Variants in IFT25 observed in about 807,000 individuals in gnomAD.
The protein encoded by IFT25 is intraflagellar transport protein 25 homolog.
chr1:53,940,166 G>T, the IFT25 span: 4 of 767,604 alleles, frequency 5.2e-6, no homozygotes, highest in Non-Finnish European at 8.8e-6. Flanking sequence ...AAAACGAAGT[G>T]AGAAGGAAAG....
chr1:53,945,855 C>G, the IFT25 span: 1 of 148,598 alleles, frequency 6.7e-6, no homozygotes, highest in Non-Finnish European at 1.5e-5. Context: ...CCCGCCCCAC[C>G]CCGCCACCGC....
At chr1:53,926,289 G>A in the IFT25 span, among the ~76,000 whole-genome samples, 1 of 151,984 alleles carries the variant, frequency 6.6e-6, no homozygotes, top group East Asian at 1.9e-4. Context: ...GGGACTACAG[G>A]TGCATGCCAC....
the IFT25 span, among the ~76,000 whole-genome samples, chr1:53,941,277 G>A: frequency 1.3e-5 from 2 of 151,926 alleles, no homozygotes; most frequent in African/African-American, 4.8e-5. Flanking sequence ...ACAGGTGTGA[G>A]CCACCGCGCC....
chr1:53,925,541 T>C, the IFT25 span, among the ~76,000 whole-genome samples: 3 of 151,302 alleles, frequency 2.0e-5, no homozygotes, highest in Non-Finnish European at 2.9e-5. Context: ...GGCGGGCACC[T>C]GTAGTCCCAG....
At chr1:53,924,887 C>A in the IFT25 span, among the ~76,000 whole-genome samples, 1 of 152,152 alleles carries the variant, frequency 6.6e-6, no homozygotes, top group African/African-American at 2.4e-5. Flanking sequence ...TCAAAATTAA[C>A]TTCACATTAA....
the IFT25 span, chr1:53,923,972 A>AATGAGTTACATGAGTTAC: frequency 6.5e-7 from 1 of 1,529,456 alleles, no homozygotes; most frequent in East Asian, 2.3e-5. Context: ...TAACAGAAGA[A>AATGAGTTACATGAGTTAC]ATGAGTTAAG....
chr1:53,932,071 G>A, the IFT25 span, among the ~76,000 whole-genome samples: 1 of 152,128 alleles, frequency 6.6e-6, no homozygotes, highest in African/African-American at 2.4e-5. Context: ...ACTTTCTAAG[G>A]CCAGGCATGG....
the IFT25 span, among the ~76,000 whole-genome samples, chr1:53,938,149 T>C: frequency 2.6e-5 from 4 of 152,220 alleles, no homozygotes; most frequent in Non-Finnish European, 5.9e-5. Context: ...TTTTTTGTGC[T>C]TCTTATTCCC....
chr1:53,938,272 TAG>T, the IFT25 span, among the ~76,000 whole-genome samples: 1 of 152,246 alleles, frequency 6.6e-6, no homozygotes, highest in East Asian at 1.9e-4. Flanking sequence ...TGTATGTGTG[TAG>T]ACTTTGATTA....
the IFT25 span, chr1:53,921,614 T>C: frequency 5.9e-6 from 7 of 1,188,954 alleles, no homozygotes; most frequent in Non-Finnish European, 8.8e-6. Context: ...TGTTTAAATA[T>C]ATTGTTAAAA....
At chr1:53,920,418 A>G in the IFT25 span, among the ~76,000 whole-genome samples, 18 of 144,562 alleles carry the variant, frequency 1.2e-4, no homozygotes, top group African/African-American at 4.4e-4. Context: ...TTCTAATAAG[A>G]GTACCTTCAT....
the IFT25 span, among the ~76,000 whole-genome samples, chr1:53,932,085 C>T: frequency 6.6e-6 from 1 of 152,210 alleles, no homozygotes; most frequent in Non-Finnish European, 1.5e-5. Flanking sequence ...GGCATGGTGG[C>T]TCACTCCTGT....
chr1:53,933,369 C>T, the IFT25 span, among the ~76,000 whole-genome samples: 5 of 151,702 alleles, frequency 3.3e-5, no homozygotes, highest in South Asian at 8.3e-4. Flanking sequence ...CTCCTGACCT[C>T]GTGATCCGCC....
At chr1:53,912,371 G>A in the IFT25 span, among the ~76,000 whole-genome samples, 3 of 152,200 alleles carry the variant, frequency 2.0e-5, no homozygotes, top group African/African-American at 7.2e-5. Context: ...TGGGTGCAGA[G>A]TTATGCAAAG....
chr1:53,917,336 A>C, the IFT25 span, among the ~76,000 whole-genome samples: 1 of 152,204 alleles, frequency 6.6e-6, no homozygotes, highest in African/African-American at 2.4e-5. Context: ...AATAGTAAGC[A>C]AATTCCAGAT....
At chr1:53,919,018 A>G in the IFT25 span, among the ~76,000 whole-genome samples, 2 of 152,094 alleles carry the variant, frequency 1.3e-5, no homozygotes, top group Non-Finnish European at 2.9e-5. Context: ...TTGTATTTTT[A>G]GTAGAAAACA....
the IFT25 span, chr1:53,930,023 T>C: frequency 6.5e-6 from 10 of 1,531,648 alleles, no homozygotes; most frequent in South Asian, 6.7e-5. Flanking sequence ...AAAAAATTAA[T>C]GTAAGATTTG....
chr1:53,913,287 T>C, the IFT25 span, among the ~76,000 whole-genome samples: 1 of 152,186 alleles, frequency 6.6e-6, no homozygotes, highest in Non-Finnish European at 1.5e-5. Flanking sequence ...GCAGAAGCCA[T>C]GTTTAATTTT....
the IFT25 span, chr1:53,928,602 C>T: frequency 1.8e-6 from 1 of 562,982 alleles, no homozygotes; most frequent in Non-Finnish European, 3.2e-6. Flanking sequence ...CCAAAAAACC[C>T]TATGGTAAAA....
Sources: allele counts gnomAD v4.1 joint callset (sites outside exome capture counted in the v4.1 genomes callset), GRCh38; gene constraint gnomAD v4.1.1; transcripts MANE v1.5; gene names NCBI Gene and HGNC (gene_info 2026-07-23, HGNC 2026-07-21).